MTHFD2: variants seen among roughly 807,000 people sequenced by gnomAD.
The protein encoded by MTHFD2 is methylenetetrahydrofolate dehydrogenase (NADP+ dependent) 2, methenyltetrahydrofolate cyclohydrolase.
MTHFD2 carries 26 observed loss-of-function variants against 36.8 expected under a neutral mutation model. The observed-to-expected ratio is 0.71, with a 90% CI of 0.52 to 0.98. The LOEUF is 0.98. Ranked by LOEUF, MTHFD2 falls within the 50% of genes least tolerant of loss-of-function variation. The pLI, the probability that MTHFD2 is intolerant of heterozygous loss-of-function variation, is 0.00. For missense variants in MTHFD2, 373 were observed against 434.0 expected (o/e 0.86, Z 1.25); for synonymous variants, 164 against 155.2 (o/e 1.06, Z -0.42).
chr2:74,202,454 T>A (rs1694063049), intron 1 of MTHFD2, among the ~76,000 whole-genome samples: 1 of 152,116 alleles, frequency 6.6e-6, no homozygotes, highest in Non-Finnish European at 1.5e-5. Flanking sequence ...CAGGTACTAA[T>A]ACAAATCAGG....
intron 1 of MTHFD2, among the ~76,000 whole-genome samples, chr2:74,198,993 C>T (rs1693974517): frequency 6.6e-6 from 1 of 152,154 alleles, no homozygotes; most frequent in Admixed American, 6.5e-5. Flanking sequence ...TCTCCTGCGA[C>T]TCGGGGCGTC....
At chr2:74,200,417 G>C (rs1230836151) in intron 1 of MTHFD2, among the ~76,000 whole-genome samples, 2 of 152,094 alleles carry the variant, frequency 1.3e-5, no homozygotes, top group African/African-American at 4.8e-5. Flanking sequence ...TATCTGTACT[G>C]CACATTTGCT....
intron 1 of MTHFD2, 52 bp downstream of exon 1, chr2:74,198,794 G>A: frequency 1.3e-6 from 2 of 1,492,624 alleles, no homozygotes; most frequent in East Asian, 2.5e-5. Context: ...GGAACGGAGG[G>A]CGAGGGGCAC....
intron 1 of MTHFD2, among the ~76,000 whole-genome samples, chr2:74,200,071 AT>A (rs1387788653): frequency 6.6e-6 from 1 of 152,230 alleles, no homozygotes; most frequent in Non-Finnish European, 1.5e-5. Context: ...TGTTAGAAAT[AT>A]TTCAAAGGCG....
chr2:74,201,958 C>CT (rs532786535), intron 1 of MTHFD2, among the ~76,000 whole-genome samples: 11,668 of 141,828 alleles, frequency 0.082, 783 homozygotes, highest in African/African-American at 0.19. Flanking sequence ...TCTTTCTTTT[C>CT]TTTTTTTTTT....
At chr2:74,199,786 T>C (rs527414924) in intron 1 of MTHFD2, among the ~76,000 whole-genome samples, 1 of 151,196 alleles carries the variant, frequency 6.6e-6, no homozygotes, top group Admixed American at 6.6e-5. Context: ...GGGAAAAATA[T>C]ACAGGGGAGG....
In MTHFD2 at chr2:74,216,506, A is replaced by G. The variant is rs1694449557; in HGVS notation, c.*2264A>G. 6.6e-6 allele frequency: 1 copy of G among 152,216 alleles called. No homozygotes were observed. The allele number at this position is 152,216 out of a possible 1,614,324, so 9.4% of individuals were successfully genotyped here. On this transcript the variant is annotated 3_prime_UTR_variant, in exon 8 of 8. Coordinates refer to ENST00000394053, the MANE Select transcript of MTHFD2 (RefSeq NM_006636.4). ...GCATTTCTACAATTTAATTTGGACA[A>G]AGTTCTATTCCAGATCAGCCAGGTT... is the stretch of plus-strand genomic sequence containing the variant.
At position 74,198,632 on chromosome 2, in the gene MTHFD2, G is replaced by A. The variant is rs200377883; in HGVS notation, c.-10G>A. ...GCGCTTCCCTCCCGGCGCAGTCACCGGCGCGGTCTATGGCTGCGACTTCTC... is the reference window on the plus strand; with the variant it reads ...GCGCTTCCCTCCCGGCGCAGTCACCAGCGCGGTCTATGGCTGCGACTTCTC... On this transcript the variant is annotated 5_prime_UTR_variant, in exon 1 of 8. Transcript: ENST00000394053. 2.5e-6 allele frequency: 4 copies of A among 1,595,688 alleles called. No homozygotes were observed. Among genetic ancestry groups the A allele is most frequent in the Admixed American group, 1.7e-5 (1 of 58,608 alleles).
chr2:74,202,708 A>G lies in MTHFD2; in HGVS notation c.102-2997A>G, dbSNP rs182780152. ...TGCCCGGCTAATTTTTTGTATTTTT[A>G]GTAGAGACGGGGTTTCACCATATGA... is the stretch of plus-strand genomic sequence containing the variant. On this transcript the variant is annotated intron_variant, in intron 1 of 7. Transcript: ENST00000394053. Among the ~76,000 whole-genome samples the G allele has an allele frequency of 2.8e-3, 422 of 151,340 alleles. 3 individuals are homozygous for G. Among genetic ancestry groups the G allele is most frequent in the African/African-American group, 1.0e-2 (411 of 41,188 alleles).
chr2:74,209,528 G>C (rs1694258441), intron 4 of MTHFD2, among the ~76,000 whole-genome samples: 1 of 152,070 alleles, frequency 6.6e-6, no homozygotes, highest in South Asian at 2.1e-4. Flanking sequence ...TGGGATTACA[G>C]GTGTGAGCCA....
intron 1 of MTHFD2, among the ~76,000 whole-genome samples, chr2:74,204,686 G>GAAGA (rs1694137523): frequency 6.6e-6 from 1 of 152,158 alleles, no homozygotes; most frequent in South Asian, 2.1e-4. Context: ...GGGTCCCTGG[G>GAAGA]AAGAGCACAT....
chr2:74,212,259 TTC>T (rs1389023637), intron 7 of MTHFD2, among the ~76,000 whole-genome samples: 1 of 112,870 alleles, frequency 8.9e-6, no homozygotes, highest in Non-Finnish European at 1.7e-5. Context: ...CTTCGTTTCT[TTC>T]TCTTTTTTTT....
chr2:74,203,265 C>G (rs1039817849), intron 1 of MTHFD2, among the ~76,000 whole-genome samples: 9 of 152,210 alleles, frequency 5.9e-5, no homozygotes, highest in Admixed American at 5.9e-4. Context: ...CTTGGCCTCC[C>G]AAAATGCTAG....
rs1694218562 is a variant in MTHFD2, at chr2:74,207,891, T to C, written c.409+65T>C. 7 of 1,464,564 alleles carry C rather than the reference T, an allele frequency of 4.8e-6. No homozygotes were observed. In the South Asian group the frequency reaches 6.5e-5, roughly 14 times the overall value. The allele number at this position is 1,464,564 out of a possible 1,614,324, so 90.7% of individuals were successfully genotyped here. A position where few individuals can be genotyped will look rare whatever the true frequency, so the allele number is the denominator to read the frequency against. On this transcript the variant is annotated intron_variant, in intron 3 of 7. Transcript: ENST00000394053. ...CTGCTCCTTTCCCTCTCCCTCCCTC[T>C]CTCTCTCCCTCCCCATCCCCCTCCT...
chr2:74,209,819 T>C (rs1022250953), intron 4 of MTHFD2, 123 bp from the exon 5 acceptor site: 2 of 621,176 alleles, frequency 3.2e-6, no homozygotes, highest in Non-Finnish European at 2.7e-6. Flanking sequence ...GCCCTTATTA[T>C]GTGTAGCAAG....
chr2:74,208,340 A>G (rs1055218163), intron 3 of MTHFD2, among the ~76,000 whole-genome samples: 1 of 152,222 alleles, frequency 6.6e-6, no homozygotes, highest in Admixed American at 6.5e-5. Context: ...TTGATTTAGT[A>G]TTGTGGTCTT....
At position 74,198,700 on chromosome 2, in the gene MTHFD2, G is replaced by A. The variant is rs1165357918; in HGVS notation, c.59G>A (p.Ser20Asn). 1.2e-6 allele frequency: 2 copies of A among 1,611,596 alleles called. No individual in the cohort carries two copies. ...GCCCGGCTGCTGCAGCCCGCGCACA[G>A]CTGCTCCCTTCGCCTTCGCCCTTTC... ...LAARLLQPAH[S>N]CSLRLRPFHL... The change falls in exon 1 of 8, where the codon AGC (serine) becomes AAC (asparagine). Residue 20 changes from serine (S) to asparagine (N), a missense_variant. Transcript: ENST00000394053.
intron 1 of MTHFD2, among the ~76,000 whole-genome samples, chr2:74,199,707 CAAA>C (rs34436782): frequency 0.49 from 49,804 of 102,592 alleles, 8,487 homozygotes; most frequent in Middle Eastern, 0.6. Context: ...GACCCTGTCT[CAAA>C]AAAAAAAAAA....
intron 4 of MTHFD2, among the ~76,000 whole-genome samples, chr2:74,209,565 T>A (rs934741178): frequency 6.6e-6 from 1 of 152,182 alleles, no homozygotes; most frequent in African/African-American, 2.4e-5. Flanking sequence ...TTTTTCTTTT[T>A]AATTTTTTCT....
Sources: gnomAD v4.1 joint callset for allele counts (sites outside exome capture counted in the v4.1 genomes callset) on GRCh38, gnomAD v4.1.1 for gene constraint, MANE v1.5 for transcripts, NCBI Gene and HGNC (gene_info 2026-07-23, HGNC 2026-07-21) for gene names.